The following CHRM5 variants were observed in gnomAD, a reference collection of about 807,000 sequenced individuals.
The protein encoded by CHRM5 is cholinergic receptor muscarinic 5.
Under a neutral mutation model 39.0 loss-of-function variants are expected in CHRM5, and 18 were observed. The ratio of observed to expected loss-of-function variants is 0.46; its 90% CI spans 0.32 to 0.68. CHRM5 has a LOEUF of 0.68. Among genes scored for constraint, CHRM5 ranks in the 30% least tolerant of loss-of-function variants. The pLI is 0.04. For synonymous variants in CHRM5, 241 were observed against 246.3 expected, an observed-to-expected ratio of 0.98 and a Z score of 0.20; for missense variants, 515 against 651.1, an observed-to-expected ratio of 0.79 and a Z score of 2.28.
At chr15:34,034,913 G>C (rs1054144462) in intron 1 of CHRM5, among the ~76,000 whole-genome samples, 1 of 152,152 alleles carries the variant, frequency 6.6e-6, no homozygotes, top group Non-Finnish European at 1.5e-5. Context: ...AAGTCTAGAG[G>C]CTGTCATTTC....
At chr15:34,015,517 A>G (rs1463017637) in intron 1 of CHRM5, among the ~76,000 whole-genome samples, 1 of 152,156 alleles carries the variant, frequency 6.6e-6, no homozygotes, top group Admixed American at 6.5e-5. Flanking sequence ...TCCACAAAAT[A>G]TCCAAAAATG....
At chr15:34,008,263 A>T (rs1359979699) in intron 1 of CHRM5, among the ~76,000 whole-genome samples, 1 of 151,786 alleles carries the variant, frequency 6.6e-6, no homozygotes, top group Non-Finnish European at 1.5e-5. Context: ...TCCACGAAAA[A>T]GATAAAAATT....
At chr15:33,984,398 G>C (rs6495422) in intron 1 of CHRM5, among the ~76,000 whole-genome samples, 65,520 of 151,250 alleles carry the variant, frequency 0.43, 14,909 homozygotes, top group African/African-American at 0.56. Context: ...AGAATAGATT[G>C]ATGGTAGGGT....
At chr15:33,997,865 G>A (rs889151484) in intron 1 of CHRM5, among the ~76,000 whole-genome samples, 1 of 152,026 alleles carries the variant, frequency 6.6e-6, no homozygotes, top group Non-Finnish European at 1.5e-5. Flanking sequence ...TATGAGTCAG[G>A]GAAAAGTATA....
chr15:33,974,745 G>T (rs936206321), intron 1 of CHRM5, among the ~76,000 whole-genome samples: 2 of 152,206 alleles, frequency 1.3e-5, no homozygotes, highest in African/African-American at 4.8e-5. Flanking sequence ...GGCCGAGGCA[G>T]GTGGATCACC....
At chr15:34,019,216 T>C (rs1271554050) in intron 1 of CHRM5, among the ~76,000 whole-genome samples, 1 of 152,256 alleles carries the variant, frequency 6.6e-6, no homozygotes, top group African/African-American at 2.4e-5. Flanking sequence ...TGTGTAGGCC[T>C]AGGCTAATGG....
At chr15:34,001,792 A>G (rs2140621746) in intron 1 of CHRM5, among the ~76,000 whole-genome samples, 1 of 152,330 alleles carries the variant, frequency 6.6e-6, no homozygotes, top group South Asian at 2.1e-4. Flanking sequence ...TTAAGTTAGA[A>G]GAGAATGCAT....
rs1360152982 is a variant in CHRM5, at chr15:34,064,047, C to G, written c.1330C>G (p.Leu444Val). ...CAAAGAGAGGAAAGCAGCCCAGACA[C>G]TGAGTGCCATTCTCCTGGCCTTCAT... ...LVKERKAAQT[L>V]SAILLAFIIT... is the part of the protein sequence containing the mutation. Residue 444 changes from leucine (L) to valine (V), a missense_variant, in exon 3 of 3, where the codon CTG (leucine) becomes GTG (valine). Leu to Val is a conservative substitution (Grantham distance 32, BLOSUM62 1). Transcript: ENST00000383263. The G allele has an allele frequency of 1.2e-6, 2 of 1,614,198 alleles. No individual in the cohort carries two copies. Among genetic ancestry groups the G allele is most frequent in the Admixed American group, 3.3e-5 (2 of 60,020 alleles).
At chr15:34,029,553 A>G (rs1430301376) in intron 1 of CHRM5, among the ~76,000 whole-genome samples, 1 of 151,232 alleles carries the variant, frequency 6.6e-6, no homozygotes, top group Non-Finnish European at 1.5e-5. Flanking sequence ...TGAAAAGGAA[A>G]TGGTTTTAAA....
At chr15:34,002,067 C>T (rs1897157504) in intron 1 of CHRM5, among the ~76,000 whole-genome samples, 1 of 152,178 alleles carries the variant, frequency 6.6e-6, no homozygotes, top group South Asian at 2.1e-4. Context: ...ACACATTGCC[C>T]AGTTTACCCC....
At chr15:34,043,228 C>A (rs1369677667) in intron 1 of CHRM5, among the ~76,000 whole-genome samples, 13 of 150,784 alleles carry the variant, frequency 8.6e-5, no homozygotes, top group Admixed American at 2.0e-4. Context: ...GCCTGGGCGA[C>A]CGAGCAAGAA....
At chr15:34,035,121 C>T (rs937761910) in intron 1 of CHRM5, among the ~76,000 whole-genome samples, 7 of 152,168 alleles carry the variant, frequency 4.6e-5, no homozygotes, top group South Asian at 2.1e-4. Flanking sequence ...AAAATGTCAA[C>T]GCCATCGGGT....
intron 1 of CHRM5, chr15:34,038,658 G>GCCGGCA (rs1899284029): frequency 3.1e-6 from 3 of 960,688 alleles, no homozygotes; most frequent in Admixed American, 1.1e-4. Flanking sequence ...CCGCGCAGGC[G>GCCGGCA]CCGGCGCCGC....
chr15:33,991,556 T>C (rs957448254), intron 1 of CHRM5: 1 of 150,742 alleles, frequency 6.6e-6, no homozygotes, highest in South Asian at 2.1e-4. Flanking sequence ...AATGTCTAGA[T>C]TGAATGTTTG....
At chr15:34,009,555 A>G (rs1567464529) in intron 1 of CHRM5, among the ~76,000 whole-genome samples, 1 of 152,238 alleles carries the variant, frequency 6.6e-6, no homozygotes, top group Non-Finnish European at 1.5e-5. Flanking sequence ...AAAATAAAGA[A>G]AAAGCATAAA....
At chr15:34,024,958 G>A (rs910350336) in intron 1 of CHRM5, among the ~76,000 whole-genome samples, 11 of 152,082 alleles carry the variant, frequency 7.2e-5, no homozygotes, top group Admixed American at 4.6e-4. Context: ...CAAGGCAGGT[G>A]GATTACCTGA....
rs1900437059 is a variant in CHRM5, at chr15:34,063,905, C to G, written c.1188C>G (p.Gly396=). 6.2e-7 allele frequency: 1 copy of G among 1,614,082 alleles called. No homozygotes were observed. Among genetic ancestry groups the G allele is most frequent in the Non-Finnish European group, 8.5e-7 (1 of 1,180,042 alleles). ...KADGNQETNN[G]CHKVKIMPCP... The stretch of plus-strand genomic sequence containing the variant: ...ACGGGAACCAGGAGACCAACAATGG[C>G]TGTCACAAGGTGAAAATCATGCCCT... The change falls in exon 3 of 3, where the codon GGC becomes GGG. Residue 396 remains glycine (G), a synonymous_variant. Coordinates refer to ENST00000383263, the MANE Select transcript of CHRM5 (RefSeq NM_012125.4). The surrounding 1 kb of genome is among the most constrained non-coding windows in gnomAD (Gnocchi z 4.1).
chr15:33,979,300 T>C (rs987404817), intron 1 of CHRM5, among the ~76,000 whole-genome samples: 1 of 152,098 alleles, frequency 6.6e-6, no homozygotes, highest in Non-Finnish European at 1.5e-5. Flanking sequence ...GGAGGAAGGA[T>C]TGCTTGAGCC....
chr15:34,005,466 T>G (rs1897303015), intron 1 of CHRM5, among the ~76,000 whole-genome samples: 1 of 152,202 alleles, frequency 6.6e-6, no homozygotes, highest in African/African-American at 2.4e-5. Context: ...TATAAACTAA[T>G]CTTAAAAATG....
Sources: gnomAD v4.1 joint callset for allele counts (sites outside exome capture counted in the v4.1 genomes callset) on GRCh38, gnomAD v4.1.1 for gene constraint, Gnocchi (gnomAD v3.1) non-coding constraint, MANE v1.5 for transcripts, NCBI Gene and HGNC (gene_info 2026-07-23, HGNC 2026-07-21) for gene names.